Variants in GRM7 observed in about 807,000 individuals in gnomAD.
The protein encoded by GRM7 is glutamate metabotropic receptor 7.
In GRM7, 35 loss-of-function variants were observed where a neutral mutation model predicts 84.5. The ratio of observed to expected loss-of-function variants is 0.41; its 90% CI spans 0.32 to 0.55. The LOEUF is 0.55. Among genes scored for constraint, GRM7 ranks in the 20% least tolerant of loss-of-function variants. The pLI is 0.19. For missense variants in GRM7, 1,003 were observed against 1,194.6 expected, an observed-to-expected ratio of 0.84 and a Z score of 2.36; for synonymous variants, 487 against 455.1, an observed-to-expected ratio of 1.07 and a Z score of -0.89.
chr3:7,125,214 C>T (rs1208469658), intron 1 of GRM7, among the ~76,000 whole-genome samples: 2 of 152,172 alleles, frequency 1.3e-5, no homozygotes, highest in African/African-American at 2.4e-5. Flanking sequence ...GCTGGGATTA[C>T]AGGCGTGAGC....
At chr3:7,116,024 CA>C (rs1693019649) in intron 1 of GRM7, among the ~76,000 whole-genome samples, 1 of 152,102 alleles carries the variant, frequency 6.6e-6, no homozygotes, top group Non-Finnish European at 1.5e-5. Context: ...AAGACCCTGG[CA>C]ATAAAACTGC....
At chr3:7,016,065 T>C (rs1695553469) in intron 1 of GRM7, among the ~76,000 whole-genome samples, 1 of 152,204 alleles carries the variant, frequency 6.6e-6, no homozygotes, top group African/African-American at 2.4e-5. Context: ...CCAAAGTCAT[T>C]TAGCTGTAAA....
At chr3:7,275,559 A>G (rs1228000054) in intron 2 of GRM7, among the ~76,000 whole-genome samples, 2 of 152,146 alleles carry the variant, frequency 1.3e-5, no homozygotes, top group African/African-American at 4.8e-5. Flanking sequence ...GAAGATGACT[A>G]GCCTGAGCTA....
At chr3:7,106,327 T>C (rs770316847) in intron 1 of GRM7, among the ~76,000 whole-genome samples, 10 of 151,976 alleles carry the variant, frequency 6.6e-5, no homozygotes, top group Admixed American at 4.6e-4. Flanking sequence ...AACATGCATA[T>C]AGTATGCAGC....
chr3:7,601,774 G>T (rs1365530959), intron 8 of GRM7, among the ~76,000 whole-genome samples: 1 of 151,854 alleles, frequency 6.6e-6, no homozygotes, highest in Non-Finnish European at 1.5e-5. Context: ...TCTTTGTTTT[G>T]GTCTGATAGG....
At chr3:6,866,558 A>G (rs771783424) in intron 1 of GRM7, among the ~76,000 whole-genome samples, 3 of 152,122 alleles carry the variant, frequency 2.0e-5, no homozygotes, top group Non-Finnish European at 2.9e-5. Context: ...TTATCTTACA[A>G]TTTACTTCTC....
chr3:7,386,674 G>A (rs1188450680), intron 4 of GRM7, among the ~76,000 whole-genome samples: 1 of 152,118 alleles, frequency 6.6e-6, no homozygotes, highest in Non-Finnish European at 1.5e-5. Context: ...CACCATTAAT[G>A]GGAACCTATA....
At chr3:7,007,245 C>T (rs887997045) in intron 1 of GRM7, among the ~76,000 whole-genome samples, 3 of 152,074 alleles carry the variant, frequency 2.0e-5, no homozygotes, top group Non-Finnish European at 2.9e-5. Flanking sequence ...CACCCTCTTT[C>T]TCCATCAATC....
At chr3:7,364,303 ATT>A (rs1693787305) in intron 4 of GRM7, among the ~76,000 whole-genome samples, 1 of 151,708 alleles carries the variant, frequency 6.6e-6, no homozygotes, top group Admixed American at 6.6e-5. Flanking sequence ...CTTAAATTTG[ATT>A]TTGTTTTATA....
chr3:7,598,849 A>G (rs114415498), intron 8 of GRM7, among the ~76,000 whole-genome samples: 2 of 152,324 alleles, frequency 1.3e-5, no homozygotes, highest in African/African-American at 2.4e-5. Context: ...AAAATGGACC[A>G]TTGATGACTT....
intron 1 of GRM7, among the ~76,000 whole-genome samples, chr3:6,962,067 C>A (rs943702001): frequency 6.6e-6 from 1 of 152,194 alleles, no homozygotes; most frequent in Non-Finnish European, 1.5e-5. Context: ...ATCTCCACAT[C>A]TTCCATCTTG....
At chr3:7,209,063 A>G (rs1193008218) in intron 2 of GRM7, among the ~76,000 whole-genome samples, 1 of 152,216 alleles carries the variant, frequency 6.6e-6, no homozygotes, top group Middle Eastern at 3.2e-3. Context: ...TCTACTTAAC[A>G]CATGTTAGTA....
chr3:6,996,313 G>C (rs528498704), intron 1 of GRM7, among the ~76,000 whole-genome samples: 1 of 152,246 alleles, frequency 6.6e-6, no homozygotes, highest in Non-Finnish European at 1.5e-5. Context: ...CTCCCAAAGT[G>C]CTGGGATTAC....
intron 1 of GRM7, among the ~76,000 whole-genome samples, chr3:7,033,807 G>A (rs1696278634): frequency 6.6e-6 from 1 of 152,178 alleles, no homozygotes; most frequent in Non-Finnish European, 1.5e-5. Flanking sequence ...AATGGGGACA[G>A]TTGGTCACCC....
At chr3:7,457,938 C>T (rs111880373) in intron 6 of GRM7, among the ~76,000 whole-genome samples, 3 of 152,188 alleles carry the variant, frequency 2.0e-5, no homozygotes, top group African/African-American at 7.2e-5. Flanking sequence ...AGAGCTCTGA[C>T]CAAATTACAA....
chr3:7,324,629 T>C (rs1253377402), intron 4 of GRM7, among the ~76,000 whole-genome samples: 1 of 152,130 alleles, frequency 6.6e-6, no homozygotes, highest in East Asian at 1.9e-4. Context: ...TACTAGCAAG[T>C]CTTTTTGTTT....
At chr3:7,355,735 T>C (rs1693368466) in intron 4 of GRM7, among the ~76,000 whole-genome samples, 1 of 152,036 alleles carries the variant, frequency 6.6e-6, no homozygotes, top group Non-Finnish European at 1.5e-5. Context: ...CAAATGGAAG[T>C]CGTGTATCTG....
chr3:7,034,016 G>C (rs73112814), intron 1 of GRM7, among the ~76,000 whole-genome samples: 3,992 of 152,166 alleles, frequency 0.026, 190 homozygotes, highest in African/African-American at 0.091. Context: ...AGGTCTTATG[G>C]TATGAATCTT....
intron 1 of GRM7, among the ~76,000 whole-genome samples, chr3:6,959,108 G>A (rs561033620): frequency 6.6e-6 from 1 of 152,144 alleles, no homozygotes; most frequent in East Asian, 1.9e-4. Context: ...TGTGTAATAT[G>A]TGGCAGAATT....
Sources: allele counts gnomAD v4.1 joint callset (sites outside exome capture counted in the v4.1 genomes callset), GRCh38; gene constraint gnomAD v4.1.1; transcripts MANE v1.5; gene names NCBI Gene and HGNC (gene_info 2026-07-23, HGNC 2026-07-21).